PRKCA: variants seen among roughly 807,000 people sequenced by gnomAD.
PRKCA encodes the protein protein kinase C alpha type.
PRKCA carries 27 observed loss-of-function variants against 87.0 expected under a neutral mutation model. The ratio of observed to expected loss-of-function variants is 0.31; its 90% CI spans 0.23 to 0.43. The LOEUF is 0.43. Ranked by LOEUF, PRKCA falls within the 20% of genes least tolerant of loss-of-function variation. The pLI is 1.00. For missense variants in PRKCA, 518 were observed against 852.3 expected (o/e 0.61, Z 4.88); for synonymous variants, 329 against 311.1 (o/e 1.06, Z -0.61).
chr17:66,327,419 C>T (rs1010830566), intron 2 of PRKCA, among the ~76,000 whole-genome samples: 1 of 150,162 alleles, frequency 6.7e-6, no homozygotes, highest in Non-Finnish European at 1.5e-5. Flanking sequence ...GCCTGTAATT[C>T]AAGCTACTGG....
chr17:66,764,005 C>G (rs1974742608), intron 13 of PRKCA, among the ~76,000 whole-genome samples: 1 of 152,180 alleles, frequency 6.6e-6, no homozygotes, highest in African/African-American at 2.4e-5. Context: ...GGGAACCCCA[C>G]TGGATCAAGG....
At chr17:66,412,411 G>A (rs1219580318) in intron 2 of PRKCA, among the ~76,000 whole-genome samples, 2 of 152,098 alleles carry the variant, frequency 1.3e-5, no homozygotes, top group African/African-American at 4.8e-5. Flanking sequence ...TTAAAAGAGC[G>A]ACTGACAAAT....
intron 8 of PRKCA, among the ~76,000 whole-genome samples, chr17:66,691,606 A>G (rs923268213): frequency 6.6e-6 from 1 of 151,916 alleles, no homozygotes; most frequent in Non-Finnish European, 1.5e-5. Flanking sequence ...ATGTCACACC[A>G]CCTCTGTGAC....
intron 2 of PRKCA, among the ~76,000 whole-genome samples, chr17:66,339,013 C>T (rs745924875): frequency 6.6e-5 from 10 of 152,064 alleles, no homozygotes; most frequent in Non-Finnish European, 1.5e-4. Flanking sequence ...ATTGAAGAGT[C>T]CTTGTGTCTA....
In PRKCA at chr17:66,302,905, C is replaced by A; in HGVS notation, c.54C>A (p.Asn18Lys). The change falls in exon 1 of 17, where the codon AAC (asparagine) becomes AAA (lysine). Residue 18 changes from asparagine (N) to lysine (K), a missense_variant. By Grantham distance (94) the Asn-to-Lys change is moderately conservative. This residue lies in a region of PRKCA where 33 missense variants were observed against 34.1 expected (regional missense o/e 0.97). Transcript: ENST00000413366. ...CCACGGCGTCTCAGGACGTGGCCAA[C>A]CGCTTCGCCCGCAAAGGGGCGCTGA... ...NDSTASQDVA[N>K]RFARKGALRQ... 1 of 1,611,558 alleles carries A rather than the reference C, an allele frequency of 6.2e-7. No homozygotes were observed. Among genetic ancestry groups the A allele is most frequent in the Non-Finnish European group, 8.5e-7 (1 of 1,178,694 alleles).
At chr17:66,801,051 C>T (rs1975887895) in intron 16 of PRKCA, among the ~76,000 whole-genome samples, 1 of 152,180 alleles carries the variant, frequency 6.6e-6, no homozygotes, top group Non-Finnish European at 1.5e-5. Context: ...GTTCCCAATG[C>T]CGACTCTACT....
At chr17:66,691,820 A>G (rs72848631) in intron 8 of PRKCA, among the ~76,000 whole-genome samples, 13 of 152,334 alleles carry the variant, frequency 8.5e-5, no homozygotes, top group Non-Finnish European at 1.6e-4. Context: ...CGTTCCCCAC[A>G]GGGTTCCTCA....
chr17:66,314,537 C>T (rs376770733), intron 2 of PRKCA, among the ~76,000 whole-genome samples: 3 of 152,138 alleles, frequency 2.0e-5, no homozygotes, highest in African/African-American at 4.8e-5. Context: ...GTAAGATTAG[C>T]GTAAGGGCAG....
rs989380762 is a variant in PRKCA at position 66,517,656 on chromosome 17, A to G, written c.288+21373A>G. On this transcript the variant is annotated intron_variant, in intron 3 of 16. Transcript: ENST00000413366. Reference sequence around the variant, plus strand: ...TTTCTGTTCTAACTTTTTTCACGCCAAAACCATTCTTACAGGTTTTTCTGA... The same window carrying G: ...TTTCTGTTCTAACTTTTTTCACGCCGAAACCATTCTTACAGGTTTTTCTGA... Among the ~76,000 whole-genome samples the G allele has an allele frequency of 5.9e-5, 9 of 152,320 alleles. 1 individual carries two copies. Among genetic ancestry groups the G allele is most frequent in the Admixed American group, 1.3e-4 (2 of 15,294 alleles).
At chr17:66,448,270 C>T (rs979583736) in intron 2 of PRKCA, among the ~76,000 whole-genome samples, 20 of 152,112 alleles carry the variant, frequency 1.3e-4, no homozygotes, top group African/African-American at 4.8e-4. Context: ...TGTCACATTG[C>T]AGTCTGCCCT....
intron 3 of PRKCA, among the ~76,000 whole-genome samples, chr17:66,553,505 A>T (rs1349767263): frequency 6.6e-6 from 1 of 152,176 alleles, no homozygotes; most frequent in Non-Finnish European, 1.5e-5. Context: ...TTATCCTCTT[A>T]AGTGTGGACT....
At chr17:66,697,764 C>T (rs540048689) in intron 8 of PRKCA, among the ~76,000 whole-genome samples, 1 of 152,300 alleles carries the variant, frequency 6.6e-6, no homozygotes, top group Non-Finnish European at 1.5e-5. Context: ...GCTTGAGACA[C>T]CTCATCTACT....
chr17:66,445,888 A>G (rs1342432131), intron 2 of PRKCA, among the ~76,000 whole-genome samples: 1 of 151,230 alleles, frequency 6.6e-6, no homozygotes. Flanking sequence ...ATCTTGGCTC[A>G]CTGCAACCTC....
chr17:66,616,709 C>T (rs1443760792), intron 3 of PRKCA, among the ~76,000 whole-genome samples: 2 of 152,198 alleles, frequency 1.3e-5, no homozygotes, highest in African/African-American at 4.8e-5. Context: ...TTGCTCTCAG[C>T]CATTGTCACA....
chr17:66,424,337 G>A (rs943440249), intron 2 of PRKCA, among the ~76,000 whole-genome samples: 1 of 152,070 alleles, frequency 6.6e-6, no homozygotes, highest in South Asian at 2.1e-4. Context: ...ACTTTGGGAG[G>A]CCGAGGCTGG....
chr17:66,364,814 C>A (rs1303149754), intron 2 of PRKCA, among the ~76,000 whole-genome samples: 1 of 152,206 alleles, frequency 6.6e-6, no homozygotes, highest in African/African-American at 2.4e-5. Flanking sequence ...TCTATCCCAT[C>A]ATGGTTTTCT....
At chr17:66,416,491 C>T (rs1912158190) in intron 2 of PRKCA, 1 of 152,254 alleles carries the variant, frequency 6.6e-6, no homozygotes, top group South Asian at 2.1e-4. Context: ...TGGATCCTCT[C>T]CCACCGTGTA....
intron 2 of PRKCA, among the ~76,000 whole-genome samples, chr17:66,377,448 T>C (rs977389854): frequency 1.6e-4 from 25 of 151,608 alleles, no homozygotes; most frequent in African/African-American, 4.6e-4. Flanking sequence ...AGAGCCTAGG[T>C]ACACAGCTGC....
chr17:66,609,226 A>G (rs1970286117), intron 3 of PRKCA, among the ~76,000 whole-genome samples: 1 of 152,014 alleles, frequency 6.6e-6, no homozygotes, highest in African/African-American at 2.4e-5. Flanking sequence ...TTCTTCACAC[A>G]TTTTTCTAAG....
Sources: gnomAD v4.1 joint callset for allele counts (sites outside exome capture counted in the v4.1 genomes callset) on GRCh38, gnomAD v4.1.1 for gene constraint, gnomAD v4.1.1 regional missense constraint, MANE v1.5 for transcripts, NCBI Gene and HGNC (gene_info 2026-07-23, HGNC 2026-07-21) for gene names.